The following MPPED1 variants were observed in gnomAD, a reference collection of about 807,000 sequenced individuals.
The protein encoded by MPPED1 is metallophosphoesterase domain containing 1, also known as metallophosphoesterase domain-containing protein 1.
In MPPED1, 16 loss-of-function variants were observed where a neutral mutation model predicts 36.2. That is an observed-to-expected ratio of 0.44 (90% CI 0.30 to 0.67). MPPED1 has a LOEUF of 0.67. Among genes scored for constraint, MPPED1 ranks in the 30% least tolerant of loss-of-function variants. The pLI is 0.10. For missense variants in MPPED1, 307 were observed against 453.4 expected (o/e 0.68, Z 2.93); for synonymous variants, 199 against 191.3 (o/e 1.04, Z -0.33).
In MPPED1 at chr22:43,412,037, G is replaced by C; in HGVS notation, c.-200G>C. The C allele has an allele frequency of 1.0e-6, 1 of 979,182 alleles. No homozygotes were observed. Among genetic ancestry groups the C allele is most frequent in the South Asian group, 4.7e-5 (1 of 21,262 alleles). The allele number at this position is 979,182 out of a possible 1,614,324, so 60.7% of individuals were successfully genotyped here. A position where few individuals can be genotyped will look rare whatever the true frequency, so the allele number is the denominator to read the frequency against. On this transcript the variant is annotated 5_prime_UTR_variant, in exon 1 of 7. Transcript: ENST00000443721. ...CCACTTGCAGCCTCGGACGCGCGGC[G>C]AGGCGGCCGCCGCCGGAGGAGCCCC...
At chr22:43,437,691 G>A (rs945532321) in intron 3 of MPPED1, among the ~76,000 whole-genome samples, 4 of 152,218 alleles carry the variant, frequency 2.6e-5, no homozygotes, top group Non-Finnish European at 4.4e-5. Flanking sequence ...GGGCGGTTAG[G>A]CTCCCCTGCC....
intron 3 of MPPED1, among the ~76,000 whole-genome samples, chr22:43,447,661 T>A (rs770745437): frequency 1.3e-4 from 20 of 151,184 alleles, no homozygotes; most frequent in Non-Finnish European, 2.8e-4. Flanking sequence ...TCCTTTATCC[T>A]CACGACTGGC....
chr22:43,497,856 A>G (rs1442466251), intron 4 of MPPED1, among the ~76,000 whole-genome samples: 1 of 150,178 alleles, frequency 6.7e-6, no homozygotes, highest in African/African-American at 2.5e-5. Flanking sequence ...TGGAGAATGT[A>G]TAATGTTCCC....
intron 3 of MPPED1, among the ~76,000 whole-genome samples, chr22:43,451,216 A>G (rs929326674): frequency 2.6e-5 from 4 of 152,102 alleles, no homozygotes; most frequent in African/African-American, 7.2e-5. Flanking sequence ...GATGTTGGCC[A>G]GGATGGTCTC....
intron 4 of MPPED1, among the ~76,000 whole-genome samples, chr22:43,497,177 T>A (rs147412326): frequency 2.0e-5 from 3 of 150,116 alleles, no homozygotes; most frequent in Non-Finnish European, 3.0e-5. Flanking sequence ...GGAAGTGCTG[T>A]TGATGGTAGA....
intron 3 of MPPED1, among the ~76,000 whole-genome samples, chr22:43,463,813 TTCTTTCTTTCTTTCTTTC>T (rs1931046590): frequency 2.2e-5 from 1 of 44,894 alleles, no homozygotes. Flanking sequence ...TTTCTTTTCT[TTCTTTCTTTCTTTCTTTC>T]TTTCTTTCTT....
intron 4 of MPPED1, among the ~76,000 whole-genome samples, chr22:43,497,448 C>T (rs1242962506): frequency 6.6e-6 from 1 of 151,946 alleles, no homozygotes; most frequent in African/African-American, 2.4e-5. Context: ...CGACAGCTGC[C>T]CACAGCTCCC....
chr22:43,418,441 CTT>C, intron 1 of MPPED1: 1 of 297,288 alleles, frequency 3.4e-6, no homozygotes, highest in Non-Finnish European at 6.6e-6. Flanking sequence ...CCAAGCATCT[CTT>C]TTGCAAACAT....
intron 2 of MPPED1, among the ~76,000 whole-genome samples, chr22:43,430,194 A>G (rs576921070): frequency 1.6e-4 from 25 of 152,216 alleles, no homozygotes; most frequent in South Asian, 1.5e-3. Context: ...AGAGCACCCC[A>G]TGTCTGCAGG....
intron 5 of MPPED1, among the ~76,000 whole-genome samples, chr22:43,501,463 C>T (rs757921782): frequency 5.3e-5 from 8 of 152,140 alleles, no homozygotes; most frequent in South Asian, 2.1e-4. Flanking sequence ...CCAGACGCCC[C>T]GCCCGGGCCC....
chr22:43,459,683 T>C (rs921037725), intron 3 of MPPED1, among the ~76,000 whole-genome samples: 3 of 152,244 alleles, frequency 2.0e-5, no homozygotes, highest in East Asian at 1.9e-4. Flanking sequence ...TTTATAGTTA[T>C]ATCTCCTTAT....
intron 3 of MPPED1, among the ~76,000 whole-genome samples, chr22:43,472,191 A>G (rs778299539): frequency 1.3e-5 from 2 of 152,188 alleles, no homozygotes; most frequent in Admixed American, 1.3e-4. Flanking sequence ...GAAGTAATGA[A>G]ATGTTATTAG....
intron 3 of MPPED1, among the ~76,000 whole-genome samples, chr22:43,442,292 C>A (rs921426860): frequency 6.6e-6 from 1 of 151,984 alleles, no homozygotes; most frequent in Non-Finnish European, 1.5e-5. Flanking sequence ...CTCCCTTCTT[C>A]CCACCTCCCC....
chr22:43,499,313 A>AGTG (rs572926069), intron 5 of MPPED1, among the ~76,000 whole-genome samples: 34 of 55,356 alleles, frequency 6.1e-4, no homozygotes, highest in Admixed American at 2.2e-3. Flanking sequence ...TGGTGATAGA[A>AGTG]GTGGTGACGT....
chr22:43,469,581 A>G (rs953397259), intron 3 of MPPED1, among the ~76,000 whole-genome samples: 2 of 129,420 alleles, frequency 1.5e-5, no homozygotes, highest in African/African-American at 5.8e-5. Flanking sequence ...CCACTCCGTG[A>G]TGGTCAGGCC....
chr22:43,440,998 C>T (rs1486553593), intron 3 of MPPED1, among the ~76,000 whole-genome samples: 1 of 152,120 alleles, frequency 6.6e-6, no homozygotes, highest in Non-Finnish European at 1.5e-5. Flanking sequence ...CTCTCACCCA[C>T]CTTCTTTCCA....
chr22:43,476,693 G>A (rs1045609724), intron 4 of MPPED1, among the ~76,000 whole-genome samples: 2 of 152,086 alleles, frequency 1.3e-5, no homozygotes, highest in Non-Finnish European at 2.9e-5. Context: ...CTCGGCAGGT[G>A]CCTGCTGTCA....
chr22:43,492,486 A>G (rs950683574), intron 4 of MPPED1, among the ~76,000 whole-genome samples: 1 of 152,168 alleles, frequency 6.6e-6, no homozygotes, highest in Non-Finnish European at 1.5e-5. Context: ...CCTTAGCCAC[A>G]GCTGCCTGGT....
chr22:43,484,684 C>T (rs895314978), intron 4 of MPPED1, among the ~76,000 whole-genome samples: 12 of 152,216 alleles, frequency 7.9e-5, no homozygotes, highest in Non-Finnish European at 1.5e-4. Context: ...CATCCCCTGC[C>T]TTGAGCCCAG....
Sources: allele counts gnomAD v4.1 joint callset (sites outside exome capture counted in the v4.1 genomes callset), GRCh38; gene constraint gnomAD v4.1.1; transcripts MANE v1.5; gene names NCBI Gene and HGNC (gene_info 2026-07-23, HGNC 2026-07-21).